LRBA: variants seen among roughly 807,000 people sequenced by gnomAD.
The protein encoded by LRBA is lipopolysaccharide-responsive and beige-like anchor protein.
LRBA carries 176 observed loss-of-function variants against 330.0 expected under a neutral mutation model. The observed-to-expected ratio is 0.53, with a 90% CI of 0.47 to 0.60. The LOEUF (loss-of-function observed/expected upper bound fraction) is 0.60. Ranked by LOEUF, LRBA falls within the 20% of genes least tolerant of loss-of-function variation. LRBA has a pLI of 0.00. For missense variants in LRBA, 3,259 were observed against 3,444.8 expected, an observed-to-expected ratio of 0.95 and a Z score of 1.35; for synonymous variants, 1,230 against 1,193.0, an observed-to-expected ratio of 1.03 and a Z score of -0.64.
chr4:150,722,603 T>C (rs1031082415), intron 36 of LRBA, among the ~76,000 whole-genome samples: 51 of 151,728 alleles, frequency 3.4e-4, no homozygotes, highest in African/African-American at 1.1e-3. Flanking sequence ...AGAGTGTGAA[T>C]TGACATATGT....
intron 17 of LRBA, among the ~76,000 whole-genome samples, chr4:150,879,458 A>C (rs1161511130): frequency 1.3e-5 from 2 of 152,210 alleles, no homozygotes; most frequent in Non-Finnish European, 2.9e-5. Context: ...AACTGGAGCA[A>C]GAAAAGGGTG....
At chr4:150,395,933 GA>G (rs965958608) in intron 47 of LRBA, among the ~76,000 whole-genome samples, 2 of 151,326 alleles carry the variant, frequency 1.3e-5, no homozygotes, top group African/African-American at 2.4e-5. Context: ...CTCTAGAATT[GA>G]AAAAAAAATT....
intron 22 of LRBA, among the ~76,000 whole-genome samples, chr4:150,860,186 A>G (rs1388457447): frequency 6.6e-6 from 1 of 152,212 alleles, no homozygotes; most frequent in Admixed American, 6.5e-5. Flanking sequence ...TTAAAAATGA[A>G]GAAAATCCAC....
chr4:150,907,663 G>T (rs1731499154), intron 11 of LRBA, among the ~76,000 whole-genome samples: 1 of 151,968 alleles, frequency 6.6e-6, no homozygotes, highest in African/African-American at 2.4e-5. Context: ...AGTAACAAAT[G>T]AAACAATAAT....
At chr4:150,480,980 AT>A (rs1757230098) in intron 42 of LRBA, among the ~76,000 whole-genome samples, 1 of 151,860 alleles carries the variant, frequency 6.6e-6, no homozygotes, top group African/African-American at 2.4e-5. Context: ...TCTCCCTATC[AT>A]CTCTCCCTCC....
At chr4:150,813,161 TAAAA>T (rs368824811) in intron 31 of LRBA, among the ~76,000 whole-genome samples, 11 of 131,482 alleles carry the variant, frequency 8.4e-5, no homozygotes, top group African/African-American at 3.3e-4. Context: ...CTGTCTCAAT[TAAAA>T]AAAAAAAAAA....
intron 55 of LRBA, among the ~76,000 whole-genome samples, chr4:150,278,344 CA>C (rs1202049287): frequency 2.0e-5 from 3 of 152,298 alleles, no homozygotes; most frequent in South Asian, 4.1e-4. Flanking sequence ...GCACTGCAGA[CA>C]TGCTAATAAG....
chr4:150,462,473 T>C (rs1380488449), intron 44 of LRBA, among the ~76,000 whole-genome samples: 1 of 151,776 alleles, frequency 6.6e-6, no homozygotes, highest in East Asian at 1.9e-4. Context: ...CTTATACATT[T>C]AAAAAGACAT....
At chr4:150,500,964 G>C (rs1026518828) in intron 40 of LRBA, among the ~76,000 whole-genome samples, 1 of 152,100 alleles carries the variant, frequency 6.6e-6, no homozygotes, top group Non-Finnish European at 1.5e-5. Context: ...TGTTTAGTTG[G>C]AGTCAGTTAT....
intron 47 of LRBA, among the ~76,000 whole-genome samples, chr4:150,380,130 G>A (rs1413727225): frequency 4.1e-4 from 61 of 150,118 alleles, no homozygotes; most frequent in Middle Eastern, 3.5e-3. Context: ...AGTGAGCCGA[G>A]ATCACGCCAT....
intron 37 of LRBA, among the ~76,000 whole-genome samples, chr4:150,674,784 A>T (rs1782385857): frequency 6.6e-6 from 1 of 151,920 alleles, no homozygotes; most frequent in African/African-American, 2.4e-5. Context: ...CTGAAGGAGG[A>T]GGGCTGCTTG....
intron 48 of LRBA, among the ~76,000 whole-genome samples, chr4:150,339,148 G>A (rs943522219): frequency 6.6e-6 from 1 of 151,844 alleles, no homozygotes; most frequent in Non-Finnish European, 1.5e-5. Context: ...AAATATGATG[G>A]GAAAAATGAA....
At chr4:150,467,471 T>C (rs1755583806) in intron 44 of LRBA, among the ~76,000 whole-genome samples, 1 of 152,120 alleles carries the variant, frequency 6.6e-6, no homozygotes, top group African/African-American at 2.4e-5. Flanking sequence ...GCACTGAATA[T>C]CAGTGCTAAC....
At chr4:150,985,405 G>A (rs1024901169) in intron 2 of LRBA, among the ~76,000 whole-genome samples, 3 of 151,452 alleles carry the variant, frequency 2.0e-5, no homozygotes, top group Non-Finnish European at 2.9e-5. Flanking sequence ...TATGTAAATT[G>A]TACTGTAAAG....
chr4:150,715,374 T>G (rs964682285), intron 36 of LRBA, among the ~76,000 whole-genome samples: 1 of 152,176 alleles, frequency 6.6e-6, no homozygotes, highest in Non-Finnish European at 1.5e-5. Flanking sequence ...GGCAGTAGTT[T>G]TGTAGCCATA....
intron 37 of LRBA, among the ~76,000 whole-genome samples, chr4:150,659,146 G>A (rs1780680728): frequency 7.3e-6 from 1 of 136,852 alleles, no homozygotes; most frequent in Non-Finnish European, 1.6e-5. Context: ...CACCCCGTCT[G>A]GGAAGGGAGG....
At chr4:150,788,496 T>TA (rs1346767770) in intron 34 of LRBA, among the ~76,000 whole-genome samples, 4 of 152,024 alleles carry the variant, frequency 2.6e-5, no homozygotes, top group Non-Finnish European at 5.9e-5. Context: ...AGTAATAGAA[T>TA]AAAAAACATT....
chr4:150,512,523 A>T (rs1225398246), intron 40 of LRBA, among the ~76,000 whole-genome samples: 2 of 152,202 alleles, frequency 1.3e-5, no homozygotes, highest in South Asian at 4.2e-4. Flanking sequence ...AAAGCTCTCT[A>T]GCCCTCTTTC....
chr4:150,973,581 A>T (rs1739825503), intron 2 of LRBA, among the ~76,000 whole-genome samples: 1 of 152,256 alleles, frequency 6.6e-6, no homozygotes, highest in African/African-American at 2.4e-5. Flanking sequence ...TACAATATAG[A>T]GTAAAATCTT....
Sources: allele counts gnomAD v4.1 joint callset (sites outside exome capture counted in the v4.1 genomes callset), GRCh38; gene constraint gnomAD v4.1.1; transcripts MANE v1.5; gene names NCBI Gene and HGNC (gene_info 2026-07-23, HGNC 2026-07-21).